TENM3: variants seen among roughly 807,000 people sequenced by gnomAD.
TENM3 encodes teneurin-3.
In TENM3, 63 loss-of-function variants were observed where a neutral mutation model predicts 255.1. The observed-to-expected ratio is 0.25, with a 90% CI of 0.20 to 0.30. The LOEUF is 0.30. Among genes scored for constraint, TENM3 ranks in the 10% least tolerant of loss-of-function variants. The pLI, the probability that TENM3 is intolerant of heterozygous loss-of-function variation, is 1.00. For missense variants in TENM3, 2,929 were observed against 3,461.1 expected (o/e 0.85, Z 3.86); for synonymous variants, 1,306 against 1,322.3 (o/e 0.99, Z 0.27).
chr4:182,364,480 G>A (rs571062157), intron 3 of TENM3, among the ~76,000 whole-genome samples: 25 of 152,202 alleles, frequency 1.6e-4, no homozygotes, highest in Admixed American at 9.8e-4. Flanking sequence ...GCAGTGGCGC[G>A]ATCTCGGCTC....
At chr4:182,476,841 A>G (rs1376925945) in intron 3 of TENM3, among the ~76,000 whole-genome samples, 3 of 152,176 alleles carry the variant, frequency 2.0e-5, no homozygotes, top group Non-Finnish European at 4.4e-5. Context: ...GTCATTACTG[A>G]CATTGGTTTT....
the TENM3 span, among the ~76,000 whole-genome samples, chr4:181,595,487 C>G: frequency 6.7e-6 from 1 of 149,462 alleles, no homozygotes; most frequent in Admixed American, 6.7e-5. Flanking sequence ...CAACTCTTCA[C>G]CGTTATTCAA....
intron 1 of TENM3, among the ~76,000 whole-genome samples, chr4:182,246,070 A>G (rs1160431472): frequency 6.6e-6 from 1 of 152,114 alleles, no homozygotes; most frequent in Admixed American, 6.5e-5. Context: ...CTTATGTTGA[A>G]CAAACAGAGG....
At chr4:182,361,162 C>T (rs985423328) in intron 3 of TENM3, among the ~76,000 whole-genome samples, 1 of 152,066 alleles carries the variant, frequency 6.6e-6, no homozygotes, top group East Asian at 1.9e-4. Flanking sequence ...ACATTTTTTC[C>T]TTCATTTCAA....
the TENM3 span, among the ~76,000 whole-genome samples, chr4:182,061,778 G>T: frequency 6.6e-6 from 1 of 152,076 alleles, no homozygotes; most frequent in African/African-American, 2.4e-5. Flanking sequence ...GGGCATCACA[G>T]GGAGACACCA....
At chr4:181,522,975 G>C in the TENM3 span, 5 of 677,362 alleles carry the variant, frequency 7.4e-6, no homozygotes. Context: ...AAAGGAGATG[G>C]GTAGGATGCA....
the TENM3 span, among the ~76,000 whole-genome samples, chr4:181,470,149 A>G: frequency 6.8e-6 from 1 of 148,072 alleles, no homozygotes; most frequent in Admixed American, 6.7e-5. Flanking sequence ...GAACTATTCT[A>G]TTTACTGATG....
At chr4:181,844,506 A>C in the TENM3 span, among the ~76,000 whole-genome samples, 1 of 151,878 alleles carries the variant, frequency 6.6e-6, no homozygotes, top group Non-Finnish European at 1.5e-5. Context: ...GTCTCTACTA[A>C]AAATGCAAAA....
intron 3 of TENM3, among the ~76,000 whole-genome samples, chr4:182,393,725 G>A (rs1768603166): frequency 6.6e-6 from 1 of 151,900 alleles, no homozygotes; most frequent in African/African-American, 2.4e-5. Context: ...TTTTTTAGTA[G>A]ACTGCTTAAC....
At chr4:181,707,369 T>C in the TENM3 span, among the ~76,000 whole-genome samples, 1 of 152,178 alleles carries the variant, frequency 6.6e-6, no homozygotes. Context: ...AAATAAAAAG[T>C]TCCACGTGCT....
At chr4:182,370,976 T>G (rs913790118) in intron 3 of TENM3, among the ~76,000 whole-genome samples, 3 of 152,198 alleles carry the variant, frequency 2.0e-5, no homozygotes, top group African/African-American at 7.2e-5. Flanking sequence ...ATTAAATTTT[T>G]TTTTCCTGCT....
the TENM3 span, among the ~76,000 whole-genome samples, chr4:181,932,406 T>C: frequency 1.3e-5 from 2 of 151,946 alleles, no homozygotes; most frequent in South Asian, 2.1e-4. Context: ...AACAAACATA[T>C]GAAAAAAAGC....
intron 7 of TENM3, among the ~76,000 whole-genome samples, chr4:182,678,449 T>C (rs1755828753): frequency 6.6e-6 from 1 of 152,198 alleles, no homozygotes; most frequent in Non-Finnish European, 1.5e-5. Flanking sequence ...GGCATCTTGT[T>C]ACATGTTTCT....
chr4:181,693,841 T>C, the TENM3 span, among the ~76,000 whole-genome samples: 15 of 152,286 alleles, frequency 9.8e-5, no homozygotes, highest in South Asian at 8.3e-4. Context: ...CCAGTAGAGA[T>C]CTGATTGGCT....
intron 27 of TENM3, among the ~76,000 whole-genome samples, chr4:182,797,009 G>A (rs887024424): frequency 1.3e-5 from 2 of 152,174 alleles, no homozygotes; most frequent in African/African-American, 4.8e-5. Flanking sequence ...GCTCACTTTC[G>A]AGTGCTGGGT....
chr4:181,900,278 A>G, the TENM3 span, among the ~76,000 whole-genome samples: 1 of 152,236 alleles, frequency 6.6e-6, no homozygotes, highest in Non-Finnish European at 1.5e-5. Flanking sequence ...ACTTTCCATT[A>G]AGAGTTTTAA....
chr4:181,727,587 T>A, the TENM3 span, among the ~76,000 whole-genome samples: 2 of 152,202 alleles, frequency 1.3e-5, no homozygotes, highest in Non-Finnish European at 2.9e-5. Flanking sequence ...CATACATTTC[T>A]TTACCCTTAG....
At chr4:182,239,844 G>GA (rs1182475537), upstream of TENM3, among the ~76,000 whole-genome samples, 7 of 152,078 alleles carry the variant, frequency 4.6e-5, no homozygotes, top group Admixed American at 2.6e-4. Flanking sequence ...TTATAAAGAA[G>GA]AAACAAAAAT....
chr4:181,488,322 A>G, the TENM3 span, among the ~76,000 whole-genome samples: 1 of 152,194 alleles, frequency 6.6e-6, no homozygotes, highest in Non-Finnish European at 1.5e-5. Context: ...ATTGGTGAGA[A>G]GTCGGGGTTT....
Sources: allele counts gnomAD v4.1 joint callset (sites outside exome capture counted in the v4.1 genomes callset), GRCh38; gene constraint gnomAD v4.1.1; transcripts MANE v1.5; gene names NCBI Gene and HGNC (gene_info 2026-07-23, HGNC 2026-07-21).